CFAP210: variants seen among roughly 807,000 people sequenced by gnomAD.
CFAP210 encodes cilia- and flagella- associated protein 210.
chr2:169,650,294 CT>C, the CFAP210 span: 3 of 1,511,690 alleles, frequency 2.0e-6, no homozygotes, highest in Non-Finnish European at 2.6e-6. Context: ...CTAACTCTGT[CT>C]TTCTATTTTT....
the CFAP210 span, among the ~76,000 whole-genome samples, chr2:169,676,824 A>G: frequency 1.3e-5 from 2 of 152,200 alleles, no homozygotes; most frequent in African/African-American, 4.8e-5. Context: ...AACTCTCCAG[A>G]CTGAGTTTAT....
chr2:169,647,025 A>C, the CFAP210 span, among the ~76,000 whole-genome samples: 1 of 152,164 alleles, frequency 6.6e-6, no homozygotes, highest in East Asian at 1.9e-4. Context: ...ATCTATCATA[A>C]ATTTAAATTT....
chr2:169,669,851 CTA>C, the CFAP210 span, among the ~76,000 whole-genome samples: 1 of 151,294 alleles, frequency 6.6e-6, no homozygotes, highest in Non-Finnish European at 1.5e-5. Flanking sequence ...GTTTGAGATA[CTA>C]TGAGACATTG....
At chr2:169,647,666 T>C in the CFAP210 span, among the ~76,000 whole-genome samples, 1 of 152,190 alleles carries the variant, frequency 6.6e-6, no homozygotes, top group Non-Finnish European at 1.5e-5. Flanking sequence ...CTGATCTTAT[T>C]TGATCGTGAT....
the CFAP210 span, among the ~76,000 whole-genome samples, chr2:169,656,368 A>AGAG: frequency 0.32 from 39,024 of 121,054 alleles, 5,243 homozygotes; most frequent in Non-Finnish European, 0.37. Context: ...AAAAGGAAGA[A>AGAG]GAAAGAGGAA....
At chr2:169,656,964 C>CAAAAAAAAAAAAAAAAAAAAAAAAA in the CFAP210 span, among the ~76,000 whole-genome samples, 1 of 40,338 alleles carries the variant, frequency 2.5e-5, no homozygotes, top group Admixed American at 4.1e-4. Flanking sequence ...GACTCCATCT[C>CAAAAAAAAAAAAAAAAAAAAAAAAA]AAAAAAAAAA....
At chr2:169,681,116 A>G in the CFAP210 span, 3 of 1,613,898 alleles carry the variant, frequency 1.9e-6, no homozygotes, top group Non-Finnish European at 2.5e-6. Context: ...CAACCTGTCA[A>G]GGCTATCTTG....
chr2:169,671,141 T>A, the CFAP210 span, among the ~76,000 whole-genome samples: 1 of 152,320 alleles, frequency 6.6e-6, no homozygotes, highest in Non-Finnish European at 1.5e-5. Flanking sequence ...TCCTAGCCTA[T>A]CTCTCCAACC....
chr2:169,683,368 T>C, the CFAP210 span, among the ~76,000 whole-genome samples: 4 of 152,266 alleles, frequency 2.6e-5, no homozygotes, highest in South Asian at 8.3e-4. Context: ...TTCAGAACAC[T>C]GTTCTACTTA....
At chr2:169,650,624 AAACT>A in the CFAP210 span, 2 of 1,336,108 alleles carry the variant, frequency 1.5e-6, no homozygotes, top group African/African-American at 3.0e-5. Context: ...GTCTCTTACA[AAACT>A]AACAGGAGCC....
chr2:169,678,448 A>T, the CFAP210 span, among the ~76,000 whole-genome samples: 1 of 152,246 alleles, frequency 6.6e-6, no homozygotes, highest in African/African-American at 2.4e-5. Flanking sequence ...TAATGTAACT[A>T]TCTCCAAATT....
the CFAP210 span, chr2:169,681,370 G>T: frequency 1.4e-6 from 1 of 738,612 alleles, no homozygotes; most frequent in Non-Finnish European, 2.3e-6. Context: ...CCTAAGAACA[G>T]CTATGATTAA....
At chr2:169,678,982 G>C in the CFAP210 span, among the ~76,000 whole-genome samples, 5,396 of 152,190 alleles carry the variant, frequency 0.035, 346 homozygotes, top group African/African-American at 0.12. Context: ...AGTAAAGACA[G>C]ATAAATAGAG....
chr2:169,690,472 G>T, the CFAP210 span, among the ~76,000 whole-genome samples: 2 of 152,002 alleles, frequency 1.3e-5, no homozygotes, highest in South Asian at 4.1e-4. Flanking sequence ...AGACACGCCT[G>T]GCCAACATGG....
At chr2:169,682,977 GTA>G in the CFAP210 span, among the ~76,000 whole-genome samples, 23 of 152,202 alleles carry the variant, frequency 1.5e-4, no homozygotes, top group African/African-American at 5.3e-4. Context: ...TTTACTATTA[GTA>G]TGAGGAGAAG....
the CFAP210 span, among the ~76,000 whole-genome samples, chr2:169,669,893 A>G: frequency 6.6e-6 from 1 of 152,158 alleles, no homozygotes; most frequent in Admixed American, 6.6e-5. Context: ...GCAGCTGGAT[A>G]TGTGAAGCTG....
the CFAP210 span, among the ~76,000 whole-genome samples, chr2:169,666,515 T>C: frequency 2.0e-5 from 3 of 150,972 alleles, no homozygotes; most frequent in Non-Finnish European, 4.4e-5. Flanking sequence ...ACTTTATTTG[T>C]TTGTTTGTTT....
chr2:169,657,615 G>T, the CFAP210 span, among the ~76,000 whole-genome samples: 19 of 152,116 alleles, frequency 1.2e-4, no homozygotes, highest in African/African-American at 4.6e-4. Context: ...TACTCGGGAG[G>T]CTGAGGCACA....
At chr2:169,689,041 T>C in the CFAP210 span, among the ~76,000 whole-genome samples, 3 of 152,116 alleles carry the variant, frequency 2.0e-5, no homozygotes. Flanking sequence ...TCTTACATGG[T>C]GGTGGCAAGA....
Sources: gnomAD v4.1 joint callset for allele counts (sites outside exome capture counted in the v4.1 genomes callset) on GRCh38, gnomAD v4.1.1 for gene constraint, MANE v1.5 for transcripts, NCBI Gene and HGNC (gene_info 2026-07-23, HGNC 2026-07-21) for gene names.